SLAMF1: variants seen among roughly 807,000 people sequenced by gnomAD.
SLAMF1 encodes the protein signaling lymphocytic activation molecule family member 1, also known as signaling lymphocytic activation molecule.
Under a neutral mutation model 35.1 loss-of-function variants are expected in SLAMF1, and 18 were observed. The ratio of observed to expected loss-of-function variants is 0.51; its 90% confidence interval spans 0.35 to 0.76. The LOEUF is 0.76. Among genes scored for constraint, SLAMF1 ranks in the 30% least tolerant of loss-of-function variants. SLAMF1 has a pLI of 0.01. For synonymous variants in SLAMF1, 168 were observed against 157.2 expected (o/e 1.07, Z -0.51); for missense variants, 392 against 413.0 (o/e 0.95, Z 0.44).
chr1:160,634,771 C>A lies in SLAMF1; in HGVS notation c.542G>T (p.Gly181Val), dbSNP rs780157878. ...HVAYSWSEKA[G>V]THPLNPANSS... ...GTTGGCTGGGTTCAGTGGGTGGGTG[C>A]CCGCCTTTTCACTCCAGCTGTAAGC... The change falls in exon 3 of 7, where the codon GGC (glycine) becomes GTC (valine). Residue 181 changes from glycine (G) to valine (V), a missense_variant. Coordinates refer to ENST00000302035, the MANE Select transcript of SLAMF1 (RefSeq NM_003037.5). The A allele has an allele frequency of 1.0e-4, 165 of 1,613,906 alleles. No homozygotes were observed. The highest frequency in any genetic ancestry group is 1.4e-4 in the Non-Finnish European group (164 of 1,180,004).
Position 160,618,898 on chromosome 1 carries a change from G to A in SLAMF1, c.864+878C>T, listed in dbSNP as rs549159295. On this transcript the variant is annotated intron_variant, in intron 5 of 6. Coordinates refer to ENST00000302035, the MANE Select transcript of SLAMF1 (RefSeq NM_003037.5). ...CATCTATTTAAATGGAGTTTAGTTG[G>A]GGGAAGGATGGAGCTGGGTTGTGTA... Among the ~76,000 whole-genome samples the A allele has an allele frequency of 2.4e-4, 36 of 152,200 alleles. 1 individual carries two copies. The South Asian group carries it at 7.1e-3, about 30-fold the overall frequency.
chr1:160,625,092 G>T (rs968966455), intron 3 of SLAMF1, among the ~76,000 whole-genome samples: 2 of 152,170 alleles, frequency 1.3e-5, no homozygotes, highest in African/African-American at 4.8e-5. Flanking sequence ...AAGAACTAGA[G>T]CTTGGTTTAG....
chr1:160,619,953 G>A, intron 4 of SLAMF1, 104 bp from the exon 5 acceptor site: 1 of 777,608 alleles, frequency 1.3e-6, no homozygotes, highest in East Asian at 2.4e-5. Flanking sequence ...TTTCCCCAAG[G>A]GCACAATGGA....
At chr1:160,613,035 C>A (rs1408968175) in intron 5 of SLAMF1, among the ~76,000 whole-genome samples, 1 of 152,166 alleles carries the variant, frequency 6.6e-6, no homozygotes, top group South Asian at 2.1e-4. Flanking sequence ...GCCTCACAAC[C>A]ACTCTGTGTT....
At chr1:160,612,645 G>A (rs1475557493) in intron 5 of SLAMF1, 65 bp from the exon 6 acceptor site, 25 of 965,634 alleles carry the variant, frequency 2.6e-5, no homozygotes, top group East Asian at 9.9e-5. Flanking sequence ...CCAACTCTCC[G>A]ATAGAGAAGC....
rs1321840663 is a variant in SLAMF1, at chr1:160,642,795, C to T, written c.76+4075G>A. On this transcript the variant is annotated intron_variant, in intron 1 of 6. Transcript: ENST00000302035. The surrounding 1 kb of genome is among the most constrained non-coding windows in gnomAD (Gnocchi z 4.2). ...GACATGGAAGTGCCTTAAATATAAA[C>T]CCTAGGTTTCAGGTACAACAGACAA... is the stretch of plus-strand genomic sequence containing the variant. Among the ~76,000 whole-genome samples the T allele has an allele frequency of 6.6e-6, 1 of 152,152 alleles. No homozygotes were observed. Among genetic ancestry groups the T allele is most frequent in the Non-Finnish European group, 1.5e-5 (1 of 68,040 alleles).
At chr1:160,632,861 C>T (rs1660236575) in intron 3 of SLAMF1, among the ~76,000 whole-genome samples, 1 of 152,122 alleles carries the variant, frequency 6.6e-6, no homozygotes, top group Non-Finnish European at 1.5e-5. Flanking sequence ...TATGAGGCTT[C>T]CAGAATCAGA....
intron 2 of SLAMF1, among the ~76,000 whole-genome samples, chr1:160,635,828 C>G (rs1390930773): frequency 6.6e-6 from 1 of 152,018 alleles, no homozygotes; most frequent in African/African-American, 2.4e-5. Flanking sequence ...ATCCGCCCGC[C>G]TCGGCCTCCC....
intron 5 of SLAMF1, among the ~76,000 whole-genome samples, chr1:160,617,390 T>C (rs186599040): frequency 3.3e-4 from 51 of 152,308 alleles, no homozygotes; most frequent in African/African-American, 1.2e-3. Context: ...CAGCTGCAAC[T>C]TTCATAATAG....
chr1:160,640,325 CATATATATATAT>C lies in SLAMF1; in HGVS notation c.77-2808_77-2797del, dbSNP rs56785818. Among the ~76,000 whole-genome samples, 524 of 94,118 alleles carry C rather than the reference CATATATATATAT, an allele frequency of 5.6e-3. 7 individuals are homozygous for C. Among genetic ancestry groups the C allele is most frequent in the African/African-American group, 0.019 (460 of 24,044 alleles). 61.7% of individuals were successfully genotyped at this position (94,118 alleles called of 152,430 possible). On this transcript the variant is annotated intron_variant, in intron 1 of 6. Transcript: ENST00000302035. Reference sequence around the variant, plus strand: ...CTCTTATTTAGGTTATTAGGTTTGTCATATATATATATATATATATATATATATATATATACA... The same window carrying C: ...CTCTTATTTAGGTTATTAGGTTTGTCATATATATATATATATATATATACA...
chr1:160,635,033 TC>T (rs1289922276), intron 2 of SLAMF1, 136 bp from the exon 3 acceptor site: 2 of 720,000 alleles, frequency 2.8e-6, no homozygotes, highest in African/African-American at 3.6e-5. Flanking sequence ...TAGTGGGGAA[TC>T]TATTGCTTCA....
At position 160,624,149 on chromosome 1, in the gene SLAMF1, C is replaced by G. The variant is rs1326102295; in HGVS notation, c.737G>C (p.Gly246Ala). The G allele has an allele frequency of 6.2e-7, 1 of 1,611,074 alleles. No individual in the cohort carries two copies. Among genetic ancestry groups the G allele is most frequent in the Middle Eastern group, 1.6e-4 (1 of 6,068 alleles). The change falls in exon 4 of 7, where the codon GGG becomes GCG. Residue 246 changes from glycine (G) to alanine (A), a missense_variant. Gly to Ala is a moderately conservative substitution (Grantham distance 60). Coordinates refer to ENST00000302035, the MANE Select transcript of SLAMF1 (RefSeq NM_003037.5). ...CATGATGAGAATCATGATGACACCC[C>G]CTAACAGCCCAGCATACACTGCCCA... is the stretch of plus-strand genomic sequence containing the variant. ...KPWAVYAGLLGGVIMILIMVV... is the reference protein window; with the variant it reads ...KPWAVYAGLLAGVIMILIMVV...
chr1:160,624,390 C>T (rs1570982690), intron 3 of SLAMF1, among the ~76,000 whole-genome samples: 1 of 152,108 alleles, frequency 6.6e-6, no homozygotes, highest in East Asian at 1.9e-4. Flanking sequence ...TCTCACTATA[C>T]TTTCACATTC....
chr1:160,630,249 T>C (rs1375667450), intron 3 of SLAMF1, among the ~76,000 whole-genome samples: 6 of 152,160 alleles, frequency 3.9e-5, no homozygotes, highest in Admixed American at 3.9e-4. Context: ...ACCCTAAGAA[T>C]TGGACTTTGC....
chr1:160,610,825 TA>T (rs1289116616), intron 6 of SLAMF1, 27 bp from the exon 7 acceptor site: 20 of 1,546,744 alleles, frequency 1.3e-5, no homozygotes, highest in Non-Finnish European at 1.7e-5. Context: ...AGTCTGTGAG[TA>T]GAGGGACTGG....
intron 2 of SLAMF1, among the ~76,000 whole-genome samples, chr1:160,636,098 T>C (rs1188380341): frequency 1.3e-5 from 2 of 152,190 alleles, no homozygotes; most frequent in Non-Finnish European, 2.9e-5. Context: ...AAAGTAAGAA[T>C]TTGATCACAA....
At chr1:160,646,496 C>G (rs966788772) in intron 1 of SLAMF1, among the ~76,000 whole-genome samples, 5 of 152,208 alleles carry the variant, frequency 3.3e-5, no homozygotes, top group African/African-American at 1.2e-4. Flanking sequence ...TCCCAGAGCT[C>G]AGTCCATCCA....
At position 160,642,009 on chromosome 1, in the gene SLAMF1, T is replaced by A. The variant is rs1436271642; in HGVS notation, c.77-4480A>T. Among the ~76,000 whole-genome samples the A allele has an allele frequency of 3.3e-5, 5 of 152,222 alleles. No homozygotes were observed. Among genetic ancestry groups the A allele is most frequent in the African/African-American group, 9.6e-5 (4 of 41,454 alleles). The stretch of plus-strand genomic sequence containing the variant: ...TCTCACAAGATGGGCTTCTACCTAA[T>A]GATAACTCTTTTTGTTTTATTGTAT... On this transcript the variant is annotated intron_variant, in intron 1 of 6. Transcript: ENST00000302035. The surrounding 1 kb of genome is among the most constrained non-coding windows in gnomAD (Gnocchi z 4.2).
intron 3 of SLAMF1, among the ~76,000 whole-genome samples, 200 bp from the exon 4 acceptor site, chr1:160,624,385 C>T (rs947395190): frequency 3.9e-5 from 6 of 152,164 alleles, no homozygotes; most frequent in Admixed American, 3.3e-4. Context: ...ATTTCTCTCA[C>T]TATACTTTCA....
Sources: gnomAD v4.1 joint callset for allele counts (sites outside exome capture counted in the v4.1 genomes callset) on GRCh38, gnomAD v4.1.1 for gene constraint, Gnocchi (gnomAD v3.1) non-coding constraint, MANE v1.5 for transcripts, NCBI Gene and HGNC (gene_info 2026-07-23, HGNC 2026-07-21) for gene names.